NFIA: variants seen among roughly 807,000 people sequenced by gnomAD.
The protein encoded by NFIA is nuclear factor 1 A-type.
NFIA carries 8 observed loss-of-function variants against 62.8 expected under a neutral mutation model. That is an observed-to-expected ratio of 0.13 (90% CI 0.07 to 0.23). The LOEUF (loss-of-function observed/expected upper bound fraction) is 0.23. NFIA is among the 10% of genes least tolerant of loss of function. The probability of loss-of-function intolerance (pLI) is 1.00; values close to 1 mark genes in which losing one functional copy is unlikely to be tolerated. For synonymous variants in NFIA, 235 were observed against 238.1 expected (o/e 0.99, Z 0.12); for missense variants, 410 against 642.1 (o/e 0.64, Z 3.91).
intron 2 of NFIA, among the ~76,000 whole-genome samples, chr1:61,257,751 GA>G (rs1656505275): frequency 6.6e-6 from 1 of 151,112 alleles, no homozygotes; most frequent in South Asian, 2.1e-4. Context: ...TCTGTTGCCA[GA>G]ACTGGAGTGC....
Position 61,404,957 on chromosome 1 carries a change from T to G in NFIA, c.1254+675T>G, listed in dbSNP as rs1665744207. On this transcript the variant is annotated intron_variant, in intron 8 of 10. Coordinates refer to ENST00000403491, the MANE Select transcript of NFIA (RefSeq NM_001134673.4). ...AGTGATTTTTAAAAATCAGAAATTT[T>G]ATTTCAAATATAGGATTAGATGTTT... Among the ~76,000 whole-genome samples, 3 of 152,226 alleles carry G rather than the reference T, an allele frequency of 2.0e-5. No individual in the cohort carries two copies. In the South Asian group the frequency reaches 6.2e-4, roughly 31 times the overall value.
At chr1:61,348,557 G>A (rs1166808517) in intron 4 of NFIA, among the ~76,000 whole-genome samples, 3 of 152,126 alleles carry the variant, frequency 2.0e-5, no homozygotes, top group Admixed American at 1.3e-4. Context: ...AGCTAAGCCC[G>A]TTTATGTGGG....
intron 4 of NFIA, among the ~76,000 whole-genome samples, chr1:61,342,471 A>T (rs992651208): frequency 6.6e-6 from 1 of 152,200 alleles, no homozygotes; most frequent in Non-Finnish European, 1.5e-5. Flanking sequence ...AAAAGCTAAG[A>T]CATGATGATA....
chr1:61,183,966 C>T (rs1416861835), intron 2 of NFIA, among the ~76,000 whole-genome samples: 1 of 151,984 alleles, frequency 6.6e-6, no homozygotes, highest in Non-Finnish European at 1.5e-5. Context: ...CCTTTAATTC[C>T]TCTTGGAAAG....
At chr1:61,346,993 C>T (rs529733189) in intron 4 of NFIA, among the ~76,000 whole-genome samples, 2 of 152,060 alleles carry the variant, frequency 1.3e-5, no homozygotes, top group African/African-American at 4.8e-5. Flanking sequence ...GGGGAAACTG[C>T]CCCCAAGATT....
intron 3 of NFIA, among the ~76,000 whole-genome samples, chr1:61,281,664 C>G (rs943618931): frequency 7.2e-5 from 11 of 152,164 alleles, no homozygotes; most frequent in African/African-American, 1.4e-4. Context: ...CTGGAACCTT[C>G]AGAATGAGTG....
intron 5 of NFIA, among the ~76,000 whole-genome samples, chr1:61,356,425 G>GA (rs1662958385): frequency 6.6e-6 from 1 of 152,120 alleles, no homozygotes; most frequent in South Asian, 2.1e-4. Context: ...AAACCATGTG[G>GA]AAAAAAATTG....
At chr1:61,396,918 C>T (rs558750854) in intron 7 of NFIA, among the ~76,000 whole-genome samples, 2 of 151,970 alleles carry the variant, frequency 1.3e-5, no homozygotes, top group South Asian at 4.1e-4. Context: ...AGGAGAATTG[C>T]TTGAACCCAG....
chr1:61,126,777 C>CT lies in NFIA; in HGVS notation c.559+38121dup, dbSNP rs56255004. 2.2e-3 allele frequency among the ~76,000 whole-genome samples: 189 copies of CT among 87,314 alleles called. 2 individuals are homozygous for CT. Among genetic ancestry groups the CT allele is most frequent in the African/African-American group, 2.9e-3 (67 of 23,272 alleles). 57.3% of individuals were successfully genotyped at this position (87,314 alleles called of 152,430 possible). A position where few individuals can be genotyped will look rare whatever the true frequency, so the allele number is the denominator to read the frequency against. On this transcript the variant is annotated intron_variant, in intron 2 of 10. Transcript: ENST00000403491. ...ATGGTCAGTAACTATTGTCAGATTC[C>CT]TTTTTTTTTTTTTTTTTTTTTTTTG...
chr1:61,406,542 T>TTGGGGGGGGGGGGG lies in NFIA; in HGVS notation c.1255-20_1255-19insTGGGGGGGGGGGGG. The TTGGGGGGGGGGGGG allele has an allele frequency of 1.6e-6, 2 of 1,253,828 alleles. No individual in the cohort carries two copies. Among genetic ancestry groups the TTGGGGGGGGGGGGG allele is most frequent in the Non-Finnish European group, 1.1e-6 (1 of 931,742 alleles). The allele number at this position is 1,253,828 out of a possible 1,614,324, so 77.7% of individuals were successfully genotyped here. ...TTCTTTTTCTTGTACGTGTGTTTTCTGCCCCCCCCCCCCCCACAGCCCAAT... is the reference window on the plus strand; with the variant it reads ...TTCTTTTTCTTGTACGTGTGTTTTCTTGGGGGGGGGGGGGGCCCCCCCCCCCCCCACAGCCCAAT... On this transcript the variant is annotated intron_variant, in intron 8 of 10. Transcript: ENST00000403491.
chr1:61,295,141 A>G (rs1189658978), intron 3 of NFIA, among the ~76,000 whole-genome samples: 1 of 152,216 alleles, frequency 6.6e-6, no homozygotes, highest in African/African-American at 2.4e-5. Context: ...CCATCCTCAT[A>G]TGCGCATAGC....
chr1:61,097,942 TA>T (rs1428363355), intron 2 of NFIA, among the ~76,000 whole-genome samples: 1 of 151,942 alleles, frequency 6.6e-6, no homozygotes, highest in Non-Finnish European at 1.5e-5. Context: ...GCAGAAGGAG[TA>T]AAGTCAAAGG....
intron 2 of NFIA, chr1:61,251,539 A>G (rs1003972621): frequency 6.6e-6 from 1 of 152,238 alleles, no homozygotes; most frequent in African/African-American, 2.4e-5. Flanking sequence ...TTTGAAGCTG[A>G]TAATAAGTAA....
chr1:61,267,430 A>G (rs573734429), intron 2 of NFIA, among the ~76,000 whole-genome samples: 2 of 152,054 alleles, frequency 1.3e-5, no homozygotes, highest in South Asian at 4.2e-4. Flanking sequence ...AATCACTTGA[A>G]CTCAGGAGGC....
At chr1:61,395,274 CTGTG>C (rs530073174) in intron 7 of NFIA, among the ~76,000 whole-genome samples, 1 of 145,298 alleles carries the variant, frequency 6.9e-6, no homozygotes, top group Non-Finnish European at 1.5e-5. Context: ...TGCTTATTTT[CTGTG>C]TGTGTGTGTG....
At position 61,088,783 on chromosome 1, in the gene NFIA, C is replaced by A. The variant is rs1646265266; in HGVS notation, c.559+103C>A. 7.6e-7 allele frequency: 1 copy of A among 1,318,384 alleles called. No homozygotes were observed. The highest frequency in any genetic ancestry group is 1.0e-6 in the Non-Finnish European group (1 of 967,808). The allele number at this position is 1,318,384 out of a possible 1,614,324, so 81.7% of individuals were successfully genotyped here. Reference sequence around the variant, plus strand: ...CTTCCTGAGCTCCCCAAGTTGCAGGCCACGTACATGAAGCCAGTGTGGTTT... The same window carrying A: ...CTTCCTGAGCTCCCCAAGTTGCAGGACACGTACATGAAGCCAGTGTGGTTT... On this transcript the variant is annotated intron_variant, in intron 2 of 10. Coordinates refer to ENST00000403491, the MANE Select transcript of NFIA (RefSeq NM_001134673.4). This position sits in a 1 kb window ranked among gnomAD's most constrained non-coding sequence, Gnocchi z 4.5.
At chr1:61,339,912 G>A (rs1661809348) in intron 4 of NFIA, among the ~76,000 whole-genome samples, 1 of 152,132 alleles carries the variant, frequency 6.6e-6, no homozygotes, top group Non-Finnish European at 1.5e-5. Flanking sequence ...CATATACCTT[G>A]TGTTCGATAT....
chr1:61,155,723 A>G (rs1648771975), intron 2 of NFIA, among the ~76,000 whole-genome samples: 1 of 151,050 alleles, frequency 6.6e-6, no homozygotes, highest in South Asian at 2.1e-4. Flanking sequence ...TTTCTCTTAC[A>G]TTTCCTTTTC....
chr1:61,240,514 C>G lies in NFIA; in HGVS notation c.560-37006C>G, dbSNP rs530287040. The stretch of plus-strand genomic sequence containing the variant: ...GACTTTTTTTTCCACAAACCGTACA[C>G]AATGGGGTCTTTTTTTTAATCGTAA... On this transcript the variant is annotated intron_variant, in intron 2 of 10. Coordinates refer to ENST00000403491, the MANE Select transcript of NFIA (RefSeq NM_001134673.4). Among the ~76,000 whole-genome samples the G allele has an allele frequency of 2.2e-3, 339 of 151,834 alleles. 3 individuals are homozygous for G. The highest frequency in any genetic ancestry group is 4.0e-3 in the Non-Finnish European group (273 of 67,914).
Sources: gnomAD v4.1 joint callset for allele counts (sites outside exome capture counted in the v4.1 genomes callset) on GRCh38, gnomAD v4.1.1 for gene constraint, Gnocchi (gnomAD v3.1) non-coding constraint, MANE v1.5 for transcripts, NCBI Gene and HGNC (gene_info 2026-07-23, HGNC 2026-07-21) for gene names.